Variants in KCNU1 observed in about 807,000 individuals in gnomAD.
KCNU1 encodes the protein potassium channel subfamily U member 1.
In KCNU1, 93 loss-of-function variants were observed where a neutral mutation model predicts 126.8. That is an observed-to-expected ratio of 0.73 (90% confidence interval 0.62 to 0.87). The LOEUF (loss-of-function observed/expected upper bound fraction) is 0.87. Ranked by LOEUF, KCNU1 falls within the 40% of genes least tolerant of loss-of-function variation. The pLI, the probability that KCNU1 is intolerant of heterozygous loss-of-function variation, is 0.00. For synonymous variants in KCNU1, 523 were observed against 494.2 expected, an observed-to-expected ratio of 1.06 and a Z score of -0.77; for missense variants, 1,330 against 1,367.1, an observed-to-expected ratio of 0.97 and a Z score of 0.43.
At chr8:36,814,538 A>G in intron 8 of KCNU1, 161 bp downstream of exon 8, 1 of 589,962 alleles carries the variant, frequency 1.7e-6, no homozygotes. Flanking sequence ...ATGTTTTCCA[A>G]ACTGCATCCC....
intron 7 of KCNU1, among the ~76,000 whole-genome samples, chr8:36,812,663 A>T (rs1803768142): frequency 1.3e-5 from 2 of 152,222 alleles, no homozygotes; most frequent in South Asian, 4.1e-4. Flanking sequence ...TGTTAACATT[A>T]GTCCATAATA....
Position 36,843,562 on chromosome 8 carries a change from T to C in KCNU1, c.1704-2018T>C, listed in dbSNP as rs189745466. ...TTCCCAACCTCACACAACACCCAAGTGGCAGAGCCAGGATCTGAACTCAGG... is the reference window on the plus strand; with the variant it reads ...TTCCCAACCTCACACAACACCCAAGCGGCAGAGCCAGGATCTGAACTCAGG... On this transcript the variant is annotated intron_variant, in intron 16 of 26. Transcript: ENST00000399881. 7.9e-5 allele frequency among the ~76,000 whole-genome samples: 12 copies of C among 152,294 alleles called. No homozygotes were observed. In the East Asian group the frequency reaches 1.9e-3, roughly 25 times the overall value.
Position 36,909,315 on chromosome 8 carries a change from G to T in KCNU1, c.2111G>T (p.Arg704Leu). Residue 704 changes from arginine (R) to leucine (L), a missense_variant, in exon 21 of 27, where the codon CGA becomes CTA. Around this residue, in one of 3 missense-constraint regions of KCNU1, gnomAD observed 1,054 missense variants for 1,053.9 expected, o/e 1.00. Transcript: ENST00000399881. ...PTSLDKVTLK[R>L]TGKSKYKFRN... is the part of the protein sequence containing the mutation. ...CTGTGGCATCCTTATCCTTAGAAAC[G>T]AACTGGCAAGTCAAAGTATAAGTTT... 1 of 1,609,770 alleles carries T rather than the reference G, an allele frequency of 6.2e-7. No homozygotes were observed. The highest frequency in any genetic ancestry group is 1.1e-5 in the South Asian group (1 of 90,952).
rs558568992 is a variant in KCNU1, at chr8:36,897,288, C to T, written c.2010-8420C>T. Among the ~76,000 whole-genome samples the T allele has an allele frequency of 2.2e-4, 34 of 151,962 alleles. No individual in the cohort carries two copies. The South Asian group carries it at 3.3e-3, about 15-fold the overall frequency. Reference sequence around the variant, plus strand: ...TCTCCCTCTATTGTAGAAAAATTCCCATAAAATTTATAGAATCATTCTCTC... The same window carrying T: ...TCTCCCTCTATTGTAGAAAAATTCCTATAAAATTTATAGAATCATTCTCTC... On this transcript the variant is annotated intron_variant, in intron 19 of 26. Coordinates refer to ENST00000399881, the MANE Select transcript of KCNU1 (RefSeq NM_001031836.3).
intron 22 of KCNU1, among the ~76,000 whole-genome samples, chr8:36,912,344 C>A (rs1346450418): frequency 6.6e-6 from 1 of 152,180 alleles, no homozygotes; most frequent in Non-Finnish European, 1.5e-5. Flanking sequence ...CTTTGGAGGG[C>A]AAACTGAGTC....
At chr8:36,835,125 C>G (rs940772015) in intron 12 of KCNU1, among the ~76,000 whole-genome samples, 2 of 152,124 alleles carry the variant, frequency 1.3e-5, no homozygotes, top group African/African-American at 4.8e-5. Context: ...TAGTAGCCAT[C>G]TGAATTTAAG....
chr8:36,934,335 G>A (rs912150107), intron 26 of KCNU1, among the ~76,000 whole-genome samples: 12 of 151,946 alleles, frequency 7.9e-5, no homozygotes, highest in African/African-American at 2.4e-4. Flanking sequence ...GTGCTAAAGG[G>A]CAAAATAAGC....
chr8:36,860,572 G>C (rs1383297620), intron 18 of KCNU1, among the ~76,000 whole-genome samples: 6 of 152,138 alleles, frequency 3.9e-5, no homozygotes, highest in African/African-American at 1.4e-4. Context: ...TAGGATTTAA[G>C]AATAGTAGTA....
chr8:36,867,376 C>T (rs947352369), intron 19 of KCNU1, among the ~76,000 whole-genome samples: 2 of 152,058 alleles, frequency 1.3e-5, no homozygotes, highest in Non-Finnish European at 1.5e-5. Flanking sequence ...GCCAGCCTGA[C>T]GAGAGGAGAG....
chr8:36,830,501 ATT>A (rs1804496818), intron 10 of KCNU1, among the ~76,000 whole-genome samples: 1 of 152,006 alleles, frequency 6.6e-6, no homozygotes, highest in Non-Finnish European at 1.5e-5. Flanking sequence ...TCTCACGGAT[ATT>A]TTTGGTAATA....
intron 19 of KCNU1, among the ~76,000 whole-genome samples, chr8:36,904,172 A>C (rs1208509818): frequency 6.6e-6 from 1 of 152,164 alleles, no homozygotes; most frequent in Non-Finnish European, 1.5e-5. Context: ...AGATGGACTT[A>C]TGCCCTGGTA....
intron 18 of KCNU1, among the ~76,000 whole-genome samples, chr8:36,854,930 T>A (rs1219477858): frequency 6.6e-6 from 1 of 152,162 alleles, no homozygotes; most frequent in Non-Finnish European, 1.5e-5. Context: ...CTCAACTTAG[T>A]GGTAAGCTTA....
At chr8:36,928,530 T>C (rs543725299) in intron 24 of KCNU1, among the ~76,000 whole-genome samples, 2 of 152,260 alleles carry the variant, frequency 1.3e-5, no homozygotes, top group South Asian at 4.1e-4. Context: ...GGAAATTCCT[T>C]TAGTCTGGGG....
chr8:36,912,117 G>T (rs1390128695), intron 22 of KCNU1, among the ~76,000 whole-genome samples: 1 of 152,112 alleles, frequency 6.6e-6, no homozygotes, highest in Admixed American at 6.5e-5. Context: ...CTCAATCCTT[G>T]GGCCATGCAG....
chr8:36,917,692 AAGTTGGAGACTAAACCTCTGATGT>A (rs1808171465), intron 22 of KCNU1, among the ~76,000 whole-genome samples: 1 of 151,978 alleles, frequency 6.6e-6, no homozygotes, highest in African/African-American at 2.4e-5. Flanking sequence ...TTTTTAGTTT[AAGTTGGAGACTAAACCTCTGATGT>A]CATACTTCTT....
At chr8:36,884,636 T>C (rs1007159211) in intron 19 of KCNU1, among the ~76,000 whole-genome samples, 2 of 152,132 alleles carry the variant, frequency 1.3e-5, no homozygotes, top group South Asian at 4.1e-4. Flanking sequence ...CTCTGGAGGC[T>C]GAGGCAGTAG....
At chr8:36,824,396 T>C (rs906151688) in intron 10 of KCNU1, among the ~76,000 whole-genome samples, 3 of 152,364 alleles carry the variant, frequency 2.0e-5, no homozygotes, top group South Asian at 4.1e-4. Context: ...TTATAATTAT[T>C]CTATTTCATT....
At chr8:36,810,270 T>C (rs1183024775) in intron 7 of KCNU1, among the ~76,000 whole-genome samples, 10 of 151,106 alleles carry the variant, frequency 6.6e-5, no homozygotes, top group Non-Finnish European at 1.3e-4. Context: ...AAAAAGTAGC[T>C]TCTCCCTATA....
intron 2 of KCNU1, among the ~76,000 whole-genome samples, chr8:36,798,012 C>G (rs766347135): frequency 6.6e-6 from 1 of 152,170 alleles, no homozygotes; most frequent in Non-Finnish European, 1.5e-5. Context: ...GAAAAGGGAA[C>G]CGTTTGTTGC....
Sources: allele counts gnomAD v4.1 joint callset (sites outside exome capture counted in the v4.1 genomes callset), GRCh38; gene constraint gnomAD v4.1.1; regional missense constraint gnomAD v4.1.1; transcripts MANE v1.5; gene names NCBI Gene and HGNC (gene_info 2026-07-23, HGNC 2026-07-21).